The following PPP2R5C variants were observed in gnomAD, a reference collection of about 807,000 sequenced individuals.
PPP2R5C encodes serine/threonine-protein phosphatase 2A 56 kDa regulatory subunit gamma isoform.
In PPP2R5C, 7 loss-of-function variants were observed where a neutral mutation model predicts 68.9. The observed-to-expected ratio is 0.10, with a 90% CI of 0.06 to 0.19. The LOEUF is 0.19. Ranked by LOEUF, PPP2R5C falls within the 10% of genes least tolerant of loss-of-function variation. PPP2R5C has a pLI of 1.00. For missense variants in PPP2R5C, 348 were observed against 641.3 expected (o/e 0.54, Z 4.94); for synonymous variants, 210 against 222.2 (o/e 0.95, Z 0.49).
chr14:101,867,526 C>T (rs2043153330), intron 2 of PPP2R5C, among the ~76,000 whole-genome samples: 1 of 152,134 alleles, frequency 6.6e-6, no homozygotes, highest in Admixed American at 6.6e-5. Context: ...GCCTGTAATC[C>T]CAGCACTTTG....
At position 101,790,972 on chromosome 14, in the gene PPP2R5C, C is replaced by T. The variant is rs1048463844; in HGVS notation, c.259+4789C>T. Reference sequence around the variant, plus strand: ...GCACTCGCTTGTAGCCCCAGCTACTCGGGAGGCTGAGGCAGGAGAATTGCT... The same window carrying T: ...GCACTCGCTTGTAGCCCCAGCTACTTGGGAGGCTGAGGCAGGAGAATTGCT... On this transcript the variant is annotated intron_variant, in intron 3 of 14. Coordinates refer to the PPP2R5C transcript ENST00000328724. Among the ~76,000 whole-genome samples, 50 of 151,930 alleles carry T rather than the reference C, an allele frequency of 3.3e-4. 2 individuals carry two copies. The highest frequency in any genetic ancestry group is 2.6e-4 in the Admixed American group (4 of 15,264).
At chr14:101,761,912 A>G (rs1467509492) in exon 1 of PPP2R5C, 5 of 1,181,566 alleles carry the variant, frequency 4.2e-6, no homozygotes, top group African/African-American at 1.7e-5. Flanking sequence ...TAAAAACAAG[A>G]AGGAGAAAGT....
chr14:101,868,082 T>A (rs939487771), intron 2 of PPP2R5C, among the ~76,000 whole-genome samples: 1 of 152,180 alleles, frequency 6.6e-6, no homozygotes, highest in Non-Finnish European at 1.5e-5. Flanking sequence ...ATAGCTGATA[T>A]TTACAGTGTG....
intron 1 of PPP2R5C, among the ~76,000 whole-genome samples, chr14:101,845,105 AGTTT>A (rs1416862802): frequency 1.3e-5 from 2 of 151,260 alleles, no homozygotes; most frequent in African/African-American, 2.4e-5. Flanking sequence ...TATCCCTAGG[AGTTT>A]GTTTGACCTG....
intron 1 of PPP2R5C, among the ~76,000 whole-genome samples, chr14:101,833,041 A>G (rs533817885): frequency 2.6e-5 from 4 of 152,342 alleles, no homozygotes; most frequent in Admixed American, 2.0e-4. Context: ...GGAATCAGTC[A>G]TGTCCACACT....
rs528108526 is a variant in PPP2R5C, at chr14:101,781,351, C to CG, written c.94-4665dup. Among the ~76,000 whole-genome samples the CG allele has an allele frequency of 4.7e-4, 72 of 152,360 alleles. 2 individuals carry two copies. In the South Asian group the frequency reaches 0.014, roughly 30 times the overall value. ...AAGCCTCAACCCGCCCTGCGCCTCC[C>CG]GGTGGCACAGCGACCTTGGCGGCTT... On this transcript the variant is annotated intron_variant, in intron 2 of 14. Transcript: ENST00000328724. This position sits in a 1 kb window ranked among gnomAD's most constrained non-coding sequence, Gnocchi z 6.4.
chr14:101,761,142 C>CG (rs2036504274), upstream of PPP2R5C, among the ~76,000 whole-genome samples: 1 of 151,878 alleles, frequency 6.6e-6, no homozygotes, highest in African/African-American at 2.4e-5. Context: ...GCCGCTCGCT[C>CG]GGTTCCCGGG....
At chr14:101,808,638 T>G (rs1303274581), upstream of PPP2R5C, among the ~76,000 whole-genome samples, 1 of 152,216 alleles carries the variant, frequency 6.6e-6, no homozygotes, top group African/African-American at 2.4e-5. Flanking sequence ...GTATTTCAGG[T>G]GTTTCTTACT....
intron 3 of PPP2R5C, among the ~76,000 whole-genome samples, chr14:101,796,161 T>C (rs1381565945): frequency 6.6e-6 from 1 of 152,148 alleles, no homozygotes; most frequent in East Asian, 1.9e-4. Context: ...ACCATAAAAG[T>C]AGAGGTTTAA....
Position 101,802,275 on chromosome 14 carries a change from G to T in PPP2R5C, c.259+16092G>T, listed in dbSNP as rs189251884. ...TAAAAATACAAAATTAGCTGGGTGTGTTGGCACACACCTGTAGTACCAGCC... is the reference window on the plus strand; with the variant it reads ...TAAAAATACAAAATTAGCTGGGTGTTTTGGCACACACCTGTAGTACCAGCC... On this transcript the variant is annotated intron_variant, in intron 3 of 14. Transcript: ENST00000328724. Among the ~76,000 whole-genome samples, 15 of 152,276 alleles carry T rather than the reference G, an allele frequency of 9.9e-5. No homozygotes were observed. The East Asian group carries it at 2.9e-3, about 29-fold the overall frequency.
At chr14:101,894,128 T>C (rs1421255918) in intron 7 of PPP2R5C, among the ~76,000 whole-genome samples, 1 of 152,260 alleles carries the variant, frequency 6.6e-6, no homozygotes, top group Non-Finnish European at 1.5e-5. Context: ...GATTATCATA[T>C]TGTTGTACAA....
intron 3 of PPP2R5C, among the ~76,000 whole-genome samples, chr14:101,802,426 A>G (rs2038903199): frequency 6.6e-6 from 1 of 152,116 alleles, no homozygotes; most frequent in South Asian, 2.1e-4. Context: ...TAAAAATAAA[A>G]ATAAAGAATG....
At chr14:101,822,110 A>G (rs1189784947) in intron 1 of PPP2R5C, among the ~76,000 whole-genome samples, 1 of 115,032 alleles carries the variant, frequency 8.7e-6, no homozygotes, top group Admixed American at 1.2e-4. Flanking sequence ...ATCCCTTGCT[A>G]AATTATTACA....
At chr14:101,776,103 G>T (rs2037409461) in intron 2 of PPP2R5C, among the ~76,000 whole-genome samples, 1 of 150,376 alleles carries the variant, frequency 6.6e-6, no homozygotes, top group African/African-American at 2.5e-5. Context: ...GACACGTGGA[G>T]GCCACAGTGC....
rs542082718 is a variant in PPP2R5C at position 101,913,039 on chromosome 14, C to G, written c.1326+566C>G. ...GAGTCTGCGCCGATGGCCGGACGTC[C>G]CGGAGCTGCCGGCAGTTCCAGCTGC... is the stretch of plus-strand genomic sequence containing the variant. On this transcript the variant is annotated intron_variant, in intron 12 of 13. Coordinates refer to ENST00000334743, the Ensembl canonical transcript of PPP2R5C. The surrounding 1 kb of genome is among the most constrained non-coding windows in gnomAD (Gnocchi z 4.1). 4.4e-4 allele frequency among the ~76,000 whole-genome samples: 67 copies of G among 152,332 alleles called. No homozygotes were observed. The highest frequency in any genetic ancestry group is 1.5e-3 in the African/African-American group (63 of 41,568).
chr14:101,808,669 GA>G (rs1211735682), upstream of PPP2R5C, among the ~76,000 whole-genome samples: 1 of 152,156 alleles, frequency 6.6e-6, no homozygotes, highest in Admixed American at 6.5e-5. Flanking sequence ...TTATGTTTAG[GA>G]ACTAAAGGGC....
exon 14 of PPP2R5C, chr14:101,925,426 T>G: frequency 8.3e-6 from 11 of 1,318,722 alleles, no homozygotes; most frequent in Non-Finnish European, 1.1e-5. Flanking sequence ...AGCGCGAGAT[T>G]AGGAGTTCAA....
At chr14:101,793,499 C>T (rs1315964184) in intron 3 of PPP2R5C, among the ~76,000 whole-genome samples, 5 of 152,226 alleles carry the variant, frequency 3.3e-5, no homozygotes, top group Admixed American at 1.3e-4. Context: ...CTCCACCCCT[C>T]GTGGGAGGGG....
intron 2 of PPP2R5C, among the ~76,000 whole-genome samples, chr14:101,858,517 T>G (rs1051236036): frequency 5.3e-5 from 8 of 151,804 alleles, no homozygotes; most frequent in Non-Finnish European, 1.2e-4. Flanking sequence ...TGTTTTTTGT[T>G]TTTTTTTATG....
Sources: allele counts gnomAD v4.1 joint callset (sites outside exome capture counted in the v4.1 genomes callset), GRCh38; gene constraint gnomAD v4.1.1; non-coding constraint Gnocchi (gnomAD v3.1); transcripts MANE v1.5; gene names NCBI Gene and HGNC (gene_info 2026-07-23, HGNC 2026-07-21).